The following BAZ2B variants were observed in gnomAD, a reference collection of about 807,000 sequenced individuals.
BAZ2B encodes the protein bromodomain adjacent to zinc finger domain 2B, also known as bromodomain adjacent to zinc finger domain protein 2B.
BAZ2B carries 91 observed loss-of-function variants against 246.0 expected under a neutral mutation model. The observed-to-expected ratio is 0.37, with a 90% CI of 0.31 to 0.44. The LOEUF is 0.44. BAZ2B is among the 20% of genes least tolerant of loss of function. BAZ2B has a pLI of 1.00. For missense variants in BAZ2B, 2,332 were observed against 2,533.7 expected (o/e 0.92, Z 1.71); for synonymous variants, 855 against 860.0 (o/e 0.99, Z 0.10).
At chr2:159,589,116 A>T (rs1341971442) in intron 1 of BAZ2B, among the ~76,000 whole-genome samples, 2 of 152,200 alleles carry the variant, frequency 1.3e-5, no homozygotes, top group Non-Finnish European at 2.9e-5. Context: ...AACGAGAAAA[A>T]TTTGCTAACT....
the BAZ2B span, among the ~76,000 whole-genome samples, chr2:159,706,526 G>A: frequency 3.4e-4 from 52 of 152,326 alleles, no homozygotes; most frequent in African/African-American, 1.2e-3. Flanking sequence ...GTGTGCCTCC[G>A]TGTGTGTGCG....
rs368497439 is a variant in BAZ2B at position 159,336,992 on chromosome 2, T to C, written c.5746A>G (p.Ile1916Val). Reference protein sequence around the residue: ...ARSAAQVALCIQQLQKSIAWE... With the variant: ...ARSAAQVALCVQQLQKSIAWE... Reference sequence around the variant, plus strand: ...GCTATTGATTTCTGTAATTGCTGAATGCACAGAGCTACCTGTGCAGCACTG... The same window carrying C: ...GCTATTGATTTCTGTAATTGCTGAACGCACAGAGCTACCTGTGCAGCACTG... Residue 1916 changes from isoleucine to valine, a missense_variant, in exon 33 of 37, where the codon ATT (isoleucine) becomes GTT (valine). Around this residue, in one of 9 missense-constraint regions of BAZ2B, gnomAD observed 53 missense variants for 62.0 expected, o/e 0.86. Transcript: ENST00000392783. The C allele has an allele frequency of 6.2e-6, 10 of 1,611,330 alleles. No homozygotes were observed. In the African/African-American group the frequency reaches 8.0e-5, roughly 13 times the overall value.
At chr2:159,649,524 G>A in the BAZ2B span, among the ~76,000 whole-genome samples, 1 of 152,120 alleles carries the variant, frequency 6.6e-6, no homozygotes, top group Non-Finnish European at 1.5e-5. Flanking sequence ...CTGCTGTGTG[G>A]CCCAGTTCCT....
At chr2:159,417,565 AAG>A (rs2067975571) in intron 13 of BAZ2B, among the ~76,000 whole-genome samples, 1 of 152,200 alleles carries the variant, frequency 6.6e-6, no homozygotes, top group Non-Finnish European at 1.5e-5. Flanking sequence ...AAATACTACA[AAG>A]AGAAAAAAGG....
At chr2:159,397,799 T>TAG (rs2149699978) in intron 18 of BAZ2B, among the ~76,000 whole-genome samples, 1 of 152,312 alleles carries the variant, frequency 6.6e-6, no homozygotes, top group South Asian at 2.1e-4. Context: ...TCTAGCTGAT[T>TAG]AGAACTCTCT....
chr2:159,604,976 A>G (rs1693118374), intron 1 of BAZ2B, among the ~76,000 whole-genome samples: 1 of 151,182 alleles, frequency 6.6e-6, no homozygotes, highest in Non-Finnish European at 1.5e-5. Context: ...GCGCTAGGAG[A>G]GAGAGAGAGC....
the BAZ2B span, chr2:159,694,090 G>C: frequency 6.6e-6 from 1 of 152,254 alleles, no homozygotes; most frequent in East Asian, 1.9e-4. Flanking sequence ...AAAGAGACAA[G>C]TAAGGTAAAA....
At chr2:159,376,852 T>A (rs2061460734) in intron 25 of BAZ2B, among the ~76,000 whole-genome samples, 1 of 152,104 alleles carries the variant, frequency 6.6e-6, no homozygotes, top group Admixed American at 6.6e-5. Context: ...TTTTCAGACA[T>A]TAAAAAAACC....
chr2:159,671,750 T>C, the BAZ2B span, among the ~76,000 whole-genome samples: 1 of 152,196 alleles, frequency 6.6e-6, no homozygotes, highest in Non-Finnish European at 1.5e-5. Context: ...ATGCTTAAGC[T>C]AATGGCCTTT....
chr2:159,611,870 T>C (rs1468121086), intron 1 of BAZ2B, among the ~76,000 whole-genome samples: 1 of 151,938 alleles, frequency 6.6e-6, no homozygotes, highest in Non-Finnish European at 1.5e-5. Flanking sequence ...CACTTTTCAT[T>C]CTTCCTCTTT....
intron 27 of BAZ2B, among the ~76,000 whole-genome samples, chr2:159,371,970 A>C (rs558726891): frequency 6.6e-6 from 1 of 152,304 alleles, no homozygotes; most frequent in Middle Eastern, 3.4e-3. Flanking sequence ...AAATTCTCCC[A>C]AGTAGATCAA....
At chr2:159,523,035 G>A (rs1038153899) in intron 2 of BAZ2B, among the ~76,000 whole-genome samples, 11 of 152,132 alleles carry the variant, frequency 7.2e-5, no homozygotes, top group African/African-American at 2.7e-4. Flanking sequence ...GGGAAGCCAA[G>A]GCAGGAGGAT....
chr2:159,547,515 TAC>T (rs1276071372), intron 2 of BAZ2B, among the ~76,000 whole-genome samples: 2 of 152,214 alleles, frequency 1.3e-5, no homozygotes, highest in African/African-American at 4.8e-5. Context: ...TTCTGCAGAC[TAC>T]AGTTATATTT....
At chr2:159,514,457 T>C (rs991433793) in intron 2 of BAZ2B, among the ~76,000 whole-genome samples, 28 of 152,202 alleles carry the variant, frequency 1.8e-4, no homozygotes, top group African/African-American at 6.8e-4. Context: ...TTTATAATGC[T>C]ATTGCCTGTA....
chr2:159,709,017 A>C, the BAZ2B span, among the ~76,000 whole-genome samples: 1 of 152,202 alleles, frequency 6.6e-6, no homozygotes, highest in Non-Finnish European at 1.5e-5. Context: ...TAAAGGCACT[A>C]AATCGAGAGT....
At chr2:159,370,539 G>A (rs1171674582) in intron 27 of BAZ2B, among the ~76,000 whole-genome samples, 2 of 149,370 alleles carry the variant, frequency 1.3e-5, no homozygotes, top group African/African-American at 4.9e-5. Flanking sequence ...CCCGGCTAAT[G>A]TTTTTTGTAT....
intron 1 of BAZ2B, chr2:159,615,533 A>G (rs953634788): frequency 2.0e-5 from 3 of 152,064 alleles, no homozygotes; most frequent in African/African-American, 7.3e-5. Context: ...CTCCAGCTAC[A>G]CACGGGAGAG....
At chr2:159,656,300 T>C in the BAZ2B span, among the ~76,000 whole-genome samples, 8 of 152,264 alleles carry the variant, frequency 5.3e-5, no homozygotes, top group African/African-American at 1.9e-4. Flanking sequence ...ATTACTGTGG[T>C]ACACTGGCCA....
At chr2:159,441,875 T>C (rs1008701695) in intron 6 of BAZ2B, among the ~76,000 whole-genome samples, 1 of 152,168 alleles carries the variant, frequency 6.6e-6, no homozygotes, top group Admixed American at 6.5e-5. Flanking sequence ...CCATCCAATC[T>C]GGGAAAACTT....
Sources: allele counts gnomAD v4.1 joint callset (sites outside exome capture counted in the v4.1 genomes callset), GRCh38; gene constraint gnomAD v4.1.1; regional missense constraint gnomAD v4.1.1; transcripts MANE v1.5; gene names NCBI Gene and HGNC (gene_info 2026-07-23, HGNC 2026-07-21).